The following PODNL1 variants were observed in gnomAD, a reference collection of about 807,000 sequenced individuals.
PODNL1 encodes the protein podocan-like protein 1.
In PODNL1, 50 loss-of-function variants were observed where a neutral mutation model predicts 45.1. The observed-to-expected ratio is 1.11, with a 90% CI of 0.88 to 1.40. The LOEUF is 1.40. PODNL1 is among the 40% of genes most tolerant of loss of function. The pLI is 0.00. For synonymous variants in PODNL1, 406 were observed against 372.5 expected, an observed-to-expected ratio of 1.09 and a Z score of -1.04; for missense variants, 788 against 793.3, an observed-to-expected ratio of 0.99 and a Z score of 0.08.
Position 13,948,203 on chromosome 19 carries a change from C to CTT in PODNL1, c.18+4914_18+4915dup, listed in dbSNP as rs1213833304. ...TCTCCATTTTCTTTTCTTTTCTTTT[C>CTT]TTTTTTTTTTTTTGAGACGGAGTCT... On this transcript the variant is annotated intron_variant, in intron 1 of 7. Transcript: ENST00000538371. 1.5e-4 allele frequency among the ~76,000 whole-genome samples: 20 copies of CTT among 132,074 alleles called. No homozygotes were observed. In the East Asian group the frequency reaches 1.8e-3, roughly 12 times the overall value. The allele number at this position is 132,074 out of a possible 152,430, so 86.6% of individuals were successfully genotyped here.
rs767331005 is a variant in PODNL1 at position 13,932,843 on chromosome 19, G to C, written c.1380C>G (p.Val460=). Residue 460 remains valine (V), a synonymous_variant, in exon 8 of 10, where the codon GTC becomes GTG. Coordinates refer to ENST00000588872, the MANE Select transcript of PODNL1 (RefSeq NM_001370095.3). ...ELSLAHNRLR[V]GDIGPGTWHE... is the part of the protein sequence containing the mutation. ...GCCAGGTGCCTGGCCCGATGTCGCCGACCCGGAGCCGGTTGTGCGCCAGGC... is the reference window on the plus strand; with the variant it reads ...GCCAGGTGCCTGGCCCGATGTCGCCCACCCGGAGCCGGTTGTGCGCCAGGC... 1.8e-5 allele frequency: 29 copies of C among 1,612,286 alleles called. No individual in the cohort carries two copies. Among genetic ancestry groups the C allele is most frequent in the Middle Eastern group, 1.6e-4 (1 of 6,084 alleles).
intron 1 of PODNL1, among the ~76,000 whole-genome samples, chr19:13,947,707 T>G (rs1169969949): frequency 6.6e-6 from 1 of 152,102 alleles, no homozygotes; most frequent in Non-Finnish European, 1.5e-5. Context: ...CTTCCTCATA[T>G]CAAAAAATGG....
intron 3 of PODNL1, 65 bp downstream of exon 3, chr19:13,936,302 G>A (rs1032312542): frequency 7.0e-7 from 1 of 1,428,062 alleles, no homozygotes; most frequent in South Asian, 1.2e-5. Context: ...GGGGGAGGGG[G>A]ATGGCAGCTG....
intron 1 of PODNL1, among the ~76,000 whole-genome samples, chr19:13,948,507 C>T (rs1168007427): frequency 6.6e-5 from 10 of 150,876 alleles, no homozygotes; most frequent in African/African-American, 1.9e-4. Context: ...CCACCATGCC[C>T]GGCCGTATTC....
chr19:13,934,051 C>T (rs1195888295), intron 6 of PODNL1, 58 bp from the exon 7 acceptor site: 2 of 1,489,778 alleles, frequency 1.3e-6, no homozygotes, highest in Non-Finnish European at 9.2e-7. Context: ...CGGGAAGCCA[C>T]AGACGGCTCT....
At position 13,935,000 on chromosome 19, in the gene PODNL1, G is replaced by A. The variant is rs182786614; in HGVS notation, c.495-590C>T. Among the ~76,000 whole-genome samples the A allele has an allele frequency of 2.0e-5, 3 of 152,094 alleles. No individual in the cohort carries two copies. In the East Asian group the frequency reaches 5.8e-4, roughly 29 times the overall value. On this transcript the variant is annotated intron_variant, in intron 5 of 9. Transcript: ENST00000588872. ...CATGTGATTGCGTGTGCATGCATGA[G>A]TGTGTGCCTGTGTGCATGTGGTTGG...
chr19:13,940,720 T>TA (rs1384258695), upstream of PODNL1, among the ~76,000 whole-genome samples: 1 of 149,768 alleles, frequency 6.7e-6, no homozygotes, highest in Non-Finnish European at 1.5e-5. Flanking sequence ...CTGTCTCTAC[T>TA]AAAAAATACA....
In PODNL1 at chr19:13,933,221, C is replaced by T. The variant is rs903294147; in HGVS notation, c.1002G>A (p.Thr334=). The T allele has an allele frequency of 1.8e-5, 28 of 1,538,874 alleles. No homozygotes were observed. The highest frequency in any genetic ancestry group is 2.2e-5 in the Non-Finnish European group (25 of 1,147,324). Residue 334 remains threonine (T), a synonymous_variant, in exon 8 of 10, where the codon ACG becomes ACA. Transcript: ENST00000588872. This position sits in a 1 kb window ranked among gnomAD's most constrained non-coding sequence, Gnocchi z 5.2. ...CCAGCCCATTGCCATAGAGGTGCAG[C>T]GTGTGCAGGCCCCGCAGCGGCCGCA... is the stretch of plus-strand genomic sequence containing the variant. ...GALRPLRGLH[T]LHLYGNGLDR...
At chr19:13,932,318 A>G (rs1972003522) in intron 8 of PODNL1, 1 of 548,626 alleles carries the variant, frequency 1.8e-6, no homozygotes, top group African/African-American at 2.0e-5. Flanking sequence ...ACAGGTCCCC[A>G]CTTGATTAAA....
chr19:13,948,367 A>ATT (rs572142449), intron 1 of PODNL1, among the ~76,000 whole-genome samples: 3 of 130,506 alleles, frequency 2.3e-5, no homozygotes, highest in Admixed American at 7.8e-5. Flanking sequence ...CGCCCGGCTA[A>ATT]TTTTTTTTTT....
intron 3 of PODNL1, 24 bp downstream of exon 3, chr19:13,936,343 G>A (rs1397266297): frequency 6.3e-7 from 1 of 1,591,034 alleles, no homozygotes; most frequent in East Asian, 2.2e-5. Context: ...GCCCCAGAGA[G>A]GCCGCCTCCC....
At chr19:13,936,490 CCGTGACCCCGTGA>C in intron 2 of PODNL1, 30 bp from the exon 3 acceptor site, 1 of 1,551,950 alleles carries the variant, frequency 6.4e-7, no homozygotes, top group Non-Finnish European at 8.9e-7. Flanking sequence ...GTGTTCACAC[CCGTGACCCCGTGA>C]CCAAGTGACC....
Position 13,934,337 on chromosome 19 carries a change from T to A in PODNL1, c.568A>T (p.Ile190Phe). ...PPDAFRGSEAIATLSLSNNQL... is the reference protein window; with the variant it reads ...PPDAFRGSEAFATLSLSNNQL... ...TTGTTGGAGAGGCTGAGGGTGGCGA[T>A]GGCCTCGGAGCCGCGGAAGGCGTCG... Residue 190 changes from isoleucine (I) to phenylalanine (F), a missense_variant, in exon 6 of 10, where the codon ATC becomes TTC. This residue lies in a region of PODNL1 where 762 missense variants were observed against 750.9 expected (regional missense o/e 1.01). Coordinates refer to ENST00000588872, the MANE Select transcript of PODNL1 (RefSeq NM_001370095.3). 1 of 1,555,762 alleles carries A rather than the reference T, an allele frequency of 6.4e-7. No homozygotes were observed. The highest frequency in any genetic ancestry group is 2.0e-5 in the Admixed American group (1 of 49,182).
exon 1 of PODNL1, chr19:13,953,361 C>G: frequency 2.0e-6 from 1 of 496,186 alleles, no homozygotes; most frequent in Non-Finnish European, 3.6e-6. Context: ...ACTGCGCCTT[C>G]TCCGTGAGGC....
At chr19:13,937,757 T>A (rs1397243570) in intron 2 of PODNL1, 28 bp downstream of exon 2, 1 of 1,550,950 alleles carries the variant, frequency 6.4e-7, no homozygotes. Flanking sequence ...CAGCCCTGCA[T>A]GCCCCCACTC....
At chr19:13,950,974 G>A (rs527450490) in intron 1 of PODNL1, among the ~76,000 whole-genome samples, 3 of 151,330 alleles carry the variant, frequency 2.0e-5, no homozygotes, top group South Asian at 2.1e-4. Flanking sequence ...GCTTGAACCC[G>A]GGAGGTGAAG....
At position 13,935,227 on chromosome 19, in the gene PODNL1, G is replaced by A. The variant is rs537727784; in HGVS notation, c.494+494C>T. ...ACAGCATACAGGGCCCTGTCTCCCCGCTCACTCTCCTCCCAGGGTAGAACT... is the reference window on the plus strand; with the variant it reads ...ACAGCATACAGGGCCCTGTCTCCCCACTCACTCTCCTCCCAGGGTAGAACT... On this transcript the variant is annotated intron_variant, in intron 5 of 9. Coordinates refer to ENST00000588872, the MANE Select transcript of PODNL1 (RefSeq NM_001370095.3). Among the ~76,000 whole-genome samples, 224 of 152,086 alleles carry A rather than the reference G, an allele frequency of 1.5e-3. 1 individual carries two copies. The highest frequency in any genetic ancestry group is 5.2e-3 in the African/African-American group (215 of 41,470).
Position 13,952,330 on chromosome 19 carries a change from G to A in PODNL1, c.18+789C>T, listed in dbSNP as rs1321494235. Among the ~76,000 whole-genome samples, 5 of 152,332 alleles carry A rather than the reference G, an allele frequency of 3.3e-5. No individual in the cohort carries two copies. In the East Asian group the frequency reaches 7.7e-4, roughly 24 times the overall value. On this transcript the variant is annotated intron_variant, in intron 1 of 7. Transcript: ENST00000538371. ...AAGGCGGGGCGGGAATACGGCAACG[G>A]GCCGCGGGGGCTGTTACTGTCGCTA...
At chr19:13,947,900 C>T (rs1264585196) in intron 1 of PODNL1, among the ~76,000 whole-genome samples, 2 of 152,130 alleles carry the variant, frequency 1.3e-5, no homozygotes, top group Non-Finnish European at 2.9e-5. Context: ...ATTCTGTTGC[C>T]CAGGCTGAAG....
Sources: allele counts gnomAD v4.1 joint callset (sites outside exome capture counted in the v4.1 genomes callset), GRCh38; gene constraint gnomAD v4.1.1; regional missense constraint gnomAD v4.1.1; non-coding constraint Gnocchi (gnomAD v3.1); transcripts MANE v1.5; gene names NCBI Gene and HGNC (gene_info 2026-07-23, HGNC 2026-07-21).